CERS5: variants seen among roughly 807,000 people sequenced by gnomAD.
The protein encoded by CERS5 is ceramide synthase 5, also known as LAG1 homolog, ceramide synthase 5.
A neutral mutation model predicts 58.9 loss-of-function variants in CERS5; 37 were observed. The ratio of observed to expected loss-of-function variants is 0.63; its 90% CI spans 0.48 to 0.83. The LOEUF (loss-of-function observed/expected upper bound fraction) is 0.83. CERS5 is among the 40% of genes least tolerant of loss of function. CERS5 has a pLI of 0.00. For synonymous variants in CERS5, 147 were observed against 177.8 expected (o/e 0.83, Z 1.38); for missense variants, 398 against 489.3 (o/e 0.81, Z 1.76).
At chr12:50,148,353 C>T (rs1470281698) in intron 1 of CERS5, 8 of 172,938 alleles carry the variant, frequency 4.6e-5, no homozygotes, top group Non-Finnish European at 6.4e-5. Context: ...CCCAGCACTT[C>T]GGGAGTCTGA....
intron 4 of CERS5, among the ~76,000 whole-genome samples, chr12:50,140,444 C>T (rs912000512): frequency 9.2e-5 from 14 of 151,652 alleles, no homozygotes; most frequent in East Asian, 3.9e-4. Flanking sequence ...CCACCATGCC[C>T]GGCTAATTTT....
intron 1 of CERS5, among the ~76,000 whole-genome samples, chr12:50,155,106 C>T (rs755280445): frequency 7.2e-5 from 11 of 151,896 alleles, no homozygotes; most frequent in South Asian, 2.1e-4. Flanking sequence ...GATCCACCCA[C>T]CTAGGCCTCC....
chr12:50,143,400 T>C (rs1952085710), intron 2 of CERS5, 196 bp from the exon 3 acceptor site: 3 of 497,682 alleles, frequency 6.0e-6, no homozygotes, highest in Non-Finnish European at 1.0e-5. Context: ...CACCTATACA[T>C]ATCCTTTTGT....
At chr12:50,149,204 A>G (rs994612815) in intron 1 of CERS5, among the ~76,000 whole-genome samples, 1 of 152,006 alleles carries the variant, frequency 6.6e-6, no homozygotes, top group Non-Finnish European at 1.5e-5. Context: ...CTTCTCCAGG[A>G]TCAATCCACA....
rs764538860 is a variant in CERS5 at position 50,130,294 on chromosome 12, C to A, written c.*251G>T. ...GCCCCAACCCCGGCAATGAAACTCA[C>A]GCATATGCACAAACGCACATCAACA... is the stretch of plus-strand genomic sequence containing the variant. On this transcript the variant is annotated 3_prime_UTR_variant, in exon 10 of 10. Coordinates refer to ENST00000317551, the MANE Select transcript of CERS5 (RefSeq NM_147190.5). The A allele has an allele frequency of 5.9e-6, 2 of 339,898 alleles. No individual in the cohort carries two copies. Among genetic ancestry groups the A allele is most frequent in the East Asian group, 4.7e-5 (1 of 21,504 alleles). 21.1% of individuals were successfully genotyped at this position (339,898 alleles called of 1,614,324 possible).
At chr12:50,161,510 C>T (rs1331120476) in intron 1 of CERS5, among the ~76,000 whole-genome samples, 1 of 152,092 alleles carries the variant, frequency 6.6e-6, no homozygotes, top group Non-Finnish European at 1.5e-5. Flanking sequence ...GATGCGGTGG[C>T]TCACGCCTGT....
intron 1 of CERS5, chr12:50,148,711 A>G (rs992711398): frequency 1.1e-5 from 2 of 178,566 alleles, no homozygotes; most frequent in African/African-American, 4.8e-5. Flanking sequence ...AGCCTGGCCA[A>G]CATGGCGAAA....
intron 1 of CERS5, among the ~76,000 whole-genome samples, chr12:50,149,406 C>T (rs1937690523): frequency 6.6e-6 from 1 of 152,194 alleles, no homozygotes; most frequent in Non-Finnish European, 1.5e-5. Context: ...TTTTCCTGCT[C>T]TCCAGATACA....
At chr12:50,149,185 GCTTT>G (rs1446743325) in intron 1 of CERS5, among the ~76,000 whole-genome samples, 1 of 151,824 alleles carries the variant, frequency 6.6e-6, no homozygotes, top group East Asian at 1.9e-4. Context: ...TTTTAGTGTG[GCTTT>G]CTGTCTTCTC....
At chr12:50,154,894 C>T (rs548811691) in intron 1 of CERS5, among the ~76,000 whole-genome samples, 2 of 151,992 alleles carry the variant, frequency 1.3e-5, no homozygotes, top group South Asian at 2.1e-4. Context: ...AGTTTCGCTC[C>T]GTCACCCAGG....
intron 8 of CERS5, 90 bp downstream of exon 8, chr12:50,135,642 G>T: frequency 2.1e-6 from 2 of 959,348 alleles, no homozygotes; most frequent in South Asian, 1.3e-5. Context: ...GAATAGAATA[G>T]AACAGAAAAA....
intron 1 of CERS5, among the ~76,000 whole-genome samples, chr12:50,162,543 A>G (rs1939417415): frequency 6.6e-6 from 1 of 152,154 alleles, no homozygotes; most frequent in African/African-American, 2.4e-5. Context: ...CTGGGCTCTG[A>G]AAAAAAGAGA....
chr12:50,133,522 T>G, intron 9 of CERS5: 1 of 988,628 alleles, frequency 1.0e-6, no homozygotes, highest in Admixed American at 5.9e-5. Flanking sequence ...GCTTGTGAAC[T>G]ACCACACACC....
At chr12:50,153,675 C>T (rs1327129559) in intron 1 of CERS5, among the ~76,000 whole-genome samples, 2 of 152,104 alleles carry the variant, frequency 1.3e-5, no homozygotes, top group Non-Finnish European at 2.9e-5. Flanking sequence ...GTAATATAGG[C>T]CAGGCATGGT....
rs5798128 is a variant in CERS5 at position 50,129,501 on chromosome 12, ATTTTTTTTTTT to A, written c.*1033_*1043del. 8.2e-6 allele frequency: 1 copy of A among 121,334 alleles called. No individual in the cohort carries two copies. Among genetic ancestry groups the A allele is most frequent in the Non-Finnish European group, 1.7e-5 (1 of 60,020 alleles). The allele number at this position is 121,334 out of a possible 1,614,324, so 7.5% of individuals were successfully genotyped here. A position where few individuals can be genotyped will look rare whatever the true frequency, so the allele number is the denominator to read the frequency against. ...GTTGAGGAACTAAAAGTATGACCTA[ATTTTTTTTTTT>A]TTTTTTTTTTTTAGACAGAGTCTCG... On this transcript the variant is annotated 3_prime_UTR_variant, in exon 10 of 10. Coordinates refer to ENST00000317551, the MANE Select transcript of CERS5 (RefSeq NM_147190.5).
At chr12:50,157,729 A>G (rs756092284) in intron 1 of CERS5, among the ~76,000 whole-genome samples, 16 of 152,168 alleles carry the variant, frequency 1.1e-4, no homozygotes, top group Non-Finnish European at 2.2e-4. Context: ...AAAAAAAAAG[A>G]GATCAAACCT....
At chr12:50,153,382 C>A (rs565404627) in intron 1 of CERS5, among the ~76,000 whole-genome samples, 6 of 139,504 alleles carry the variant, frequency 4.3e-5, no homozygotes, top group Non-Finnish European at 6.1e-5. Flanking sequence ...TGGGTTCAAG[C>A]GATTCTCCTG....
At chr12:50,136,167 A>T in intron 6 of CERS5, 98 bp from the exon 7 acceptor site, 1 of 1,128,856 alleles carries the variant, frequency 8.9e-7, no homozygotes, top group Non-Finnish European at 1.2e-6. Flanking sequence ...ATCTTACCCC[A>T]CCCCATATAG....
chr12:50,137,981 G>A (rs1017860770), intron 5 of CERS5, among the ~76,000 whole-genome samples, 161 bp from the exon 6 acceptor site: 2 of 152,156 alleles, frequency 1.3e-5, no homozygotes, highest in Admixed American at 6.6e-5. Context: ...TTGGATTGGT[G>A]TAGAGACTTA....
Sources: gnomAD v4.1 joint callset for allele counts (sites outside exome capture counted in the v4.1 genomes callset) on GRCh38, gnomAD v4.1.1 for gene constraint, MANE v1.5 for transcripts, NCBI Gene and HGNC (gene_info 2026-07-23, HGNC 2026-07-21) for gene names.